Variants in TMEM229B observed in about 807,000 individuals in gnomAD.
TMEM229B encodes the protein transmembrane protein 229B, also known as chromosome 14 open reading frame 83.
Under a neutral mutation model 13.7 loss-of-function variants are expected in TMEM229B, and 6 were observed. The ratio of observed to expected loss-of-function variants is 0.44; its 90% CI spans 0.24 to 0.86. The LOEUF is 0.86. TMEM229B is among the 40% of genes least tolerant of loss of function. TMEM229B has a pLI of 0.23. For synonymous variants in TMEM229B, 107 were observed against 102.1 expected, an observed-to-expected ratio of 1.05 and a Z score of -0.29; for missense variants, 170 against 236.0, an observed-to-expected ratio of 0.72 and a Z score of 1.83.
chr14:67,476,447 TG>T (rs1167055632), intron 2 of TMEM229B, among the ~76,000 whole-genome samples: 1 of 151,806 alleles, frequency 6.6e-6, no homozygotes, highest in Non-Finnish European at 1.5e-5. Flanking sequence ...ATTAGCTGGG[TG>T]TGGTGGCATG....
chr14:67,516,462 C>G (rs1437659079), upstream of TMEM229B, among the ~76,000 whole-genome samples: 1 of 152,140 alleles, frequency 6.6e-6, no homozygotes, highest in Non-Finnish European at 1.5e-5. Flanking sequence ...TTGTAACATA[C>G]CCCAGTGACA....
At chr14:67,526,834 G>A (rs182257686) in intron 1 of TMEM229B, among the ~76,000 whole-genome samples, 2 of 152,198 alleles carry the variant, frequency 1.3e-5, no homozygotes, top group East Asian at 3.9e-4. Flanking sequence ...CTGAGGGCAG[G>A]TTTGTCATCA....
intron 2 of TMEM229B, among the ~76,000 whole-genome samples, chr14:67,474,373 T>C (rs960232709): frequency 4.6e-5 from 7 of 152,170 alleles, no homozygotes; most frequent in Admixed American, 4.6e-4. Context: ...CCTAGAGCTT[T>C]TTTGGATTAT....
At chr14:67,474,090 A>G (rs2030999574) in intron 2 of TMEM229B, 149 bp from the exon 3 acceptor site, 6 of 870,886 alleles carry the variant, frequency 6.9e-6, no homozygotes, top group South Asian at 1.8e-5. Flanking sequence ...CGTCTCTACT[A>G]AAAATACAAA....
chr14:67,526,107 C>T lies in TMEM229B; in HGVS notation c.-192+7529G>A, dbSNP rs186806651. 6.6e-5 allele frequency among the ~76,000 whole-genome samples: 10 copies of T among 152,318 alleles called. No individual in the cohort carries two copies. The East Asian group carries it at 1.5e-3, about 23-fold the overall frequency. ...GGGTCCACTTTAGTAGTTCCTCTTC[C>T]GGACCTGGACTAGGAAATCCAGAAC... On this transcript the variant is annotated intron_variant, in intron 1 of 2. Coordinates refer to the TMEM229B transcript ENST00000554278.
chr14:67,512,996 G>A (rs7156144), intron 1 of TMEM229B, among the ~76,000 whole-genome samples: 53,068 of 151,986 alleles, frequency 0.35, 10,137 homozygotes, highest in East Asian at 0.43. Flanking sequence ...TGATACAACC[G>A]AAATAAACAC....
chr14:67,524,605 T>G (rs1180616511), intron 1 of TMEM229B, among the ~76,000 whole-genome samples: 2 of 152,190 alleles, frequency 1.3e-5, no homozygotes, highest in African/African-American at 4.8e-5. Flanking sequence ...AATGGCTGAA[T>G]ACATCATTTC....
rs73288672 is a variant in TMEM229B, at chr14:67,494,656, C to A, written c.-191-7484G>T. Among the ~76,000 whole-genome samples the A allele has an allele frequency of 6.8e-3, 1,035 of 152,328 alleles. 12 individuals carry two copies. The highest frequency in any genetic ancestry group is 0.024 in the African/African-American group (997 of 41,580). ...TCTTGTCAGTGCTCAGCAGGTACAT[C>A]CCACCCTCCTGTCCACAGCCGGTGA... On this transcript the variant is annotated intron_variant, in intron 1 of 2. Transcript: ENST00000357461.
Position 67,473,563 on chromosome 14 carries a change from C to T in TMEM229B, c.361G>A (p.Ala121Thr). 2 of 1,613,396 alleles carry T rather than the reference C, an allele frequency of 1.2e-6. No individual in the cohort carries two copies. Among genetic ancestry groups the T allele is most frequent in the East Asian group, 2.2e-5 (1 of 44,872 alleles). ...DFMGLITLEY[A>T]VPWFCGALIM... ...AGGGCCCCGCAGAACCAGGGCACGGCGTACTCCAGGGTGATGAGGCCCATG... is the reference window on the plus strand; with the variant it reads ...AGGGCCCCGCAGAACCAGGGCACGGTGTACTCCAGGGTGATGAGGCCCATG... Residue 121 changes from alanine to threonine, a missense_variant, in exon 3 of 3, where the codon GCC (alanine) becomes ACC (threonine). This residue lies in a region of TMEM229B where 7 missense variants were observed against 24.5 expected (regional missense o/e 0.29). Transcript: ENST00000554480. This position sits in a 1 kb window ranked among gnomAD's most constrained non-coding sequence, Gnocchi z 6.5.
In TMEM229B at chr14:67,498,467, G is replaced by A. The variant is rs976853882; in HGVS notation, c.-191-11295C>T. Among the ~76,000 whole-genome samples the A allele has an allele frequency of 7.2e-5, 11 of 152,198 alleles. No homozygotes were observed. In the South Asian group the frequency reaches 1.5e-3, roughly 20 times the overall value. On this transcript the variant is annotated intron_variant, in intron 1 of 2. Transcript: ENST00000357461. ...TTTCCCTTTATTTCTTTCTCCTTTA[G>A]AGTATGGTTGAGGCATTATACTGAC...
intron 1 of TMEM229B, among the ~76,000 whole-genome samples, chr14:67,501,044 T>TTAATAATAATAATAA (rs71129826): frequency 4.4e-5 from 6 of 137,384 alleles, no homozygotes; most frequent in Non-Finnish European, 4.6e-5. Flanking sequence ...TACTTGGGGG[T>TTAATAATAATAATAA]TAATAATAAT....
intron 2 of TMEM229B, among the ~76,000 whole-genome samples, chr14:67,481,788 C>G (rs2031603382): frequency 6.6e-6 from 1 of 152,180 alleles, no homozygotes; most frequent in Non-Finnish European, 1.5e-5. Context: ...TCCACTAGCT[C>G]CTTGCTCAGC....
Position 67,472,280 on chromosome 14 carries a change from C to G in TMEM229B, c.*1140G>C, listed in dbSNP as rs2030788489. ...TTTCTTCCTCTCATTCTCCATCAGTCTCCAATGCTGGATACCTGGCTTCTC... is the reference window on the plus strand; with the variant it reads ...TTTCTTCCTCTCATTCTCCATCAGTGTCCAATGCTGGATACCTGGCTTCTC... On this transcript the variant is annotated 3_prime_UTR_variant, in exon 3 of 3. Coordinates refer to ENST00000554480, the MANE Select transcript of TMEM229B (RefSeq NM_001348543.2). The G allele has an allele frequency of 6.6e-6, 1 of 152,344 alleles. No individual in the cohort carries two copies. Among genetic ancestry groups the G allele is most frequent in the Non-Finnish European group, 1.5e-5 (1 of 68,130 alleles). The allele number at this position is 152,344 out of a possible 1,614,324, so 9.4% of individuals were successfully genotyped here. A position where few individuals can be genotyped will look rare whatever the true frequency, so the allele number is the denominator to read the frequency against.
chr14:67,489,509 G>A (rs1421768187), upstream of TMEM229B, among the ~76,000 whole-genome samples: 4 of 152,108 alleles, frequency 2.6e-5, no homozygotes, highest in African/African-American at 4.8e-5. Context: ...AGAGACCACC[G>A]GCCTGTTTCA....
intron 1 of TMEM229B, among the ~76,000 whole-genome samples, chr14:67,521,798 C>T (rs966817567): frequency 6.6e-6 from 1 of 152,164 alleles, no homozygotes; most frequent in African/African-American, 2.4e-5. Context: ...AATAAGAGCA[C>T]ACATTGAAAC....
At chr14:67,481,802 G>A (rs1224589240) in intron 2 of TMEM229B, among the ~76,000 whole-genome samples, 1 of 152,136 alleles carries the variant, frequency 6.6e-6, no homozygotes, top group East Asian at 1.9e-4. Flanking sequence ...GCTCAGCCCT[G>A]GGATCAGAGC....
chr14:67,483,603 C>T (rs969191147), intron 2 of TMEM229B, among the ~76,000 whole-genome samples: 2 of 152,222 alleles, frequency 1.3e-5, no homozygotes, highest in African/African-American at 4.8e-5. Flanking sequence ...GGGATCCACA[C>T]AGAGGCCCTC....
chr14:67,524,923 T>C (rs1331724596), intron 1 of TMEM229B, among the ~76,000 whole-genome samples: 2 of 152,172 alleles, frequency 1.3e-5, no homozygotes, highest in Non-Finnish European at 2.9e-5. Context: ...ACTCAAAACG[T>C]TGGCATTAAA....
chr14:67,472,964 A>C lies in TMEM229B; in HGVS notation c.*456T>G. Reference sequence around the variant, plus strand: ...GCTGCAGCTCAGCAGGCCCCTGGGGAGGTATTGGTTGCAAGCAAGCACCTG... The same window carrying C: ...GCTGCAGCTCAGCAGGCCCCTGGGGCGGTATTGGTTGCAAGCAAGCACCTG... On this transcript the variant is annotated 3_prime_UTR_variant, in exon 3 of 3. Transcript: ENST00000554480. 1 of 178,606 alleles carries C rather than the reference A, an allele frequency of 5.6e-6. No homozygotes were observed. The highest frequency in any genetic ancestry group is 1.5e-4 in the East Asian group (1 of 6,812). 11.1% of individuals were successfully genotyped at this position (178,606 alleles called of 1,614,324 possible).
Sources: allele counts gnomAD v4.1 joint callset (sites outside exome capture counted in the v4.1 genomes callset), GRCh38; gene constraint gnomAD v4.1.1; regional missense constraint gnomAD v4.1.1; non-coding constraint Gnocchi (gnomAD v3.1); transcripts MANE v1.5; gene names NCBI Gene and HGNC (gene_info 2026-07-23, HGNC 2026-07-21).